PDAP1: variants seen among roughly 807,000 people sequenced by gnomAD.
PDAP1 encodes 28 kDa heat- and acid-stable phosphoprotein.
Under a neutral mutation model 28.0 loss-of-function variants are expected in PDAP1, and 13 were observed. The observed-to-expected ratio is 0.46, with a 90% confidence interval of 0.30 to 0.74. PDAP1 has a LOEUF of 0.74. Ranked by LOEUF, PDAP1 falls within the 30% of genes least tolerant of loss-of-function variation. The probability of loss-of-function intolerance (pLI) is 0.07; values close to 1 mark genes in which losing one functional copy is unlikely to be tolerated. For synonymous variants in PDAP1, 77 were observed against 85.1 expected (o/e 0.91, Z 0.52); for missense variants, 150 against 230.0 (o/e 0.65, Z 2.25).
intron 1 of PDAP1, among the ~76,000 whole-genome samples, chr7:99,407,572 A>C (rs745494006): frequency 1.3e-5 from 2 of 152,214 alleles, no homozygotes; most frequent in Non-Finnish European, 2.9e-5. Flanking sequence ...TGAGCTACCA[A>C]CACAAATATA....
In PDAP1 at chr7:99,396,171, G is replaced by A. The variant is rs1794754121; in HGVS notation, c.*511C>T. The A allele has an allele frequency of 5.8e-6, 1 of 171,966 alleles. No homozygotes were observed. The allele number at this position is 171,966 out of a possible 1,614,324, so 10.7% of individuals were successfully genotyped here. A position where few individuals can be genotyped will look rare whatever the true frequency, so the allele number is the denominator to read the frequency against. The stretch of plus-strand genomic sequence containing the variant: ...AAGGGCAGAGAGGTGAGGCCCTGAG[G>A]TCAGTCAGACAGGACTGACCAGGGA... On this transcript the variant is annotated 3_prime_UTR_variant, in exon 6 of 6. Coordinates refer to ENST00000350498, the MANE Select transcript of PDAP1 (RefSeq NM_014891.7).
chr7:99,404,308 T>C (rs1439302300), intron 2 of PDAP1, among the ~76,000 whole-genome samples: 2 of 152,142 alleles, frequency 1.3e-5, no homozygotes, highest in South Asian at 2.1e-4. Context: ...ACGATGGGAA[T>C]GTATTCTATT....
chr7:99,395,941 C>T lies in PDAP1; in HGVS notation c.*741G>A, dbSNP rs529010700. 9.0e-4 allele frequency: 137 copies of T among 153,012 alleles called. No individual in the cohort carries two copies. Among genetic ancestry groups the T allele is most frequent in the Admixed American group, 1.7e-3 (26 of 15,320 alleles). The allele number at this position is 153,012 out of a possible 1,614,324, so 9.5% of individuals were successfully genotyped here. Reference sequence around the variant, plus strand: ...GGCACCGTACCCAGCTGGGTAAAAACGGCTCGAGCACGGAAGCCAAAGGAT... The same window carrying T: ...GGCACCGTACCCAGCTGGGTAAAAATGGCTCGAGCACGGAAGCCAAAGGAT... On this transcript the variant is annotated 3_prime_UTR_variant, in exon 6 of 6. Transcript: ENST00000350498.
intron 4 of PDAP1, 122 bp from the exon 5 acceptor site, chr7:99,398,135 G>GTGAGTCCC (rs1194304666): frequency 9.5e-7 from 1 of 1,052,730 alleles, no homozygotes; most frequent in Non-Finnish European, 1.4e-6. Context: ...TGCCCTGGCT[G>GTGAGTCCC]TGAGTCCCTG....
chr7:99,400,247 C>A (rs1794839239), intron 4 of PDAP1, 56 bp downstream of exon 4: 1 of 1,600,722 alleles, frequency 6.2e-7, no homozygotes, highest in Non-Finnish European at 8.5e-7. Context: ...TAGCATCCCA[C>A]AGGCCAACTG....
At chr7:99,396,911 C>T (rs1562821978) in intron 5 of PDAP1, among the ~76,000 whole-genome samples, 171 bp from the exon 6 acceptor site, 1 of 151,956 alleles carries the variant, frequency 6.6e-6, no homozygotes, top group Admixed American at 6.6e-5. Flanking sequence ...TAACCCCGGG[C>T]CCCCCGACAT....
chr7:99,397,268 G>A (rs956176339), intron 5 of PDAP1, among the ~76,000 whole-genome samples: 1 of 152,086 alleles, frequency 6.6e-6, no homozygotes, highest in African/African-American at 2.4e-5. Flanking sequence ...ACATGTAGGG[G>A]CTCTCACAGA....
intron 2 of PDAP1, among the ~76,000 whole-genome samples, chr7:99,404,577 G>A (rs1173698469): frequency 6.6e-6 from 1 of 152,156 alleles, no homozygotes; most frequent in African/African-American, 2.4e-5. Flanking sequence ...TCCTGCAGGA[G>A]GGAGATCCTC....
At chr7:99,401,250 G>T (rs918697470) in intron 3 of PDAP1, among the ~76,000 whole-genome samples, 1 of 152,132 alleles carries the variant, frequency 6.6e-6, no homozygotes, top group African/African-American at 2.4e-5. Flanking sequence ...TTGATTCGTC[G>T]TTCCTTCAGC....
intron 3 of PDAP1, 106 bp from the exon 4 acceptor site, chr7:99,400,530 G>C (rs28668326): frequency 7.7e-7 from 1 of 1,301,958 alleles, no homozygotes. Context: ...ACAAACTCCT[G>C]CTCCACCCCA....
chr7:99,400,117 CCT>C (rs1326940003), intron 4 of PDAP1, among the ~76,000 whole-genome samples, 184 bp downstream of exon 4: 3 of 152,198 alleles, frequency 2.0e-5, no homozygotes, highest in Non-Finnish European at 4.4e-5. Flanking sequence ...TCCTATTTCC[CCT>C]GATATCATGT....
In PDAP1 at chr7:99,396,869, C is replaced by T. The variant is rs115279860; in HGVS notation, c.488-129G>A. ...AACATTCTGTGCAACAGAGAAGAGC[C>T]GAGGCGTGGGAGAGGATTTCTGCTG... On this transcript the variant is annotated intron_variant, in intron 5 of 5. Coordinates refer to ENST00000350498, the MANE Select transcript of PDAP1 (RefSeq NM_014891.7). The T allele has an allele frequency of 0.046, 33,591 of 722,920 alleles. 980 individuals are homozygous for T. The highest frequency in any genetic ancestry group is 0.089 in the African/African-American group (4,952 of 55,780). The allele number at this position is 722,920 out of a possible 1,614,324, so 44.8% of individuals were successfully genotyped here.
chr7:99,407,482 G>A (rs574661607), intron 1 of PDAP1, among the ~76,000 whole-genome samples: 1 of 152,318 alleles, frequency 6.6e-6, no homozygotes, highest in South Asian at 2.1e-4. Context: ...AATTATCTCT[G>A]GAGTCAGGAA....
chr7:99,399,725 T>C (rs1794828760), intron 4 of PDAP1, among the ~76,000 whole-genome samples: 1 of 152,216 alleles, frequency 6.6e-6, no homozygotes, highest in African/African-American at 2.4e-5. Context: ...GTAAGGCCCT[T>C]GAGGTCACCT....
intron 2 of PDAP1, among the ~76,000 whole-genome samples, chr7:99,404,427 A>G (rs1451852329): frequency 1.3e-5 from 2 of 152,066 alleles, no homozygotes; most frequent in East Asian, 3.9e-4. Context: ...AGGCTAAACA[A>G]CGTCTCCAGG....
At chr7:99,406,441 A>T (rs934354742) in intron 1 of PDAP1, 1 of 353,300 alleles carries the variant, frequency 2.8e-6, no homozygotes, top group African/African-American at 2.2e-5. Context: ...ACCCAAACCT[A>T]CAGGCAAAAA....
At chr7:99,403,214 A>G (rs1794912233) in intron 3 of PDAP1, 184 bp downstream of exon 3, 1 of 592,788 alleles carries the variant, frequency 1.7e-6, no homozygotes, top group Non-Finnish European at 3.0e-6. Context: ...TTTTGTTAGT[A>G]ACACTTCTCA....
chr7:99,401,568 G>A (rs1192873133), intron 3 of PDAP1, among the ~76,000 whole-genome samples: 2 of 152,000 alleles, frequency 1.3e-5, no homozygotes, highest in African/African-American at 2.4e-5. Flanking sequence ...CAGGTGATCC[G>A]CCCGCCTTGG....
chr7:99,403,620 G>A (rs1794920098), intron 2 of PDAP1, 115 bp from the exon 3 acceptor site: 2 of 780,502 alleles, frequency 2.6e-6, no homozygotes, highest in South Asian at 2.8e-5. Flanking sequence ...TGGAAGGCTG[G>A]AACCAAGGAT....
Sources: allele counts gnomAD v4.1 joint callset (sites outside exome capture counted in the v4.1 genomes callset), GRCh38; gene constraint gnomAD v4.1.1; transcripts MANE v1.5; gene names NCBI Gene and HGNC (gene_info 2026-07-23, HGNC 2026-07-21).